Variants in CHD3 observed in about 807,000 individuals in gnomAD.
CHD3 encodes the protein ATP-dependent chromatin remodeler CHD3.
CHD3 carries 52 observed loss-of-function variants against 248.9 expected under a neutral mutation model. That is an observed-to-expected ratio of 0.21 (90% CI 0.17 to 0.26). CHD3 has a LOEUF of 0.26. Among genes scored for constraint, CHD3 ranks in the 10% least tolerant of loss-of-function variants. The probability of loss-of-function intolerance (pLI) is 1.00; values close to 1 mark genes in which losing one functional copy is unlikely to be tolerated. For missense variants in CHD3, 1,482 were observed against 2,605.8 expected (o/e 0.57, Z 9.39); for synonymous variants, 985 against 985.2 (o/e 1.00, Z 0.00).
At position 7,910,640 on chromosome 17, in the gene CHD3, T is replaced by A. The variant is rs900831599; in HGVS notation, c.5754+49T>A. On this transcript the variant is annotated intron_variant, in intron 38 of 39. Coordinates refer to ENST00000330494, the MANE Select transcript of CHD3 (RefSeq NM_001005273.3). The surrounding 1 kb of genome is among the most constrained non-coding windows in gnomAD (Gnocchi z 4.7). ...CAGTTTTCCCTGTTTGTGTTCCTCC[T>A]GCACACATACAAACACTTCCATCAG... 6.4e-7 allele frequency: 1 copy of A among 1,574,336 alleles called. No individual in the cohort carries two copies. Among genetic ancestry groups the A allele is most frequent in the Non-Finnish European group, 8.6e-7 (1 of 1,160,422 alleles).
rs1968417679 is a variant in CHD3, at chr17:7,888,968, A to G, written c.-33A>G. On this transcript the variant is annotated 5_prime_UTR_variant, in exon 1 of 40. The change creates a new upstream start codon in the 5' untranslated region. Coordinates refer to ENST00000330494, the MANE Select transcript of CHD3 (RefSeq NM_001005273.3). ...TTTTAGGCTACTTGGGAGGAGGAAT[A>G]TTTAGGTAATTGTGGAGACTTTCTC... The G allele has an allele frequency of 6.2e-7, 1 of 1,613,872 alleles. No homozygotes were observed. The highest frequency in any genetic ancestry group is 8.5e-7 in the Non-Finnish European group (1 of 1,179,946).
rs1165994865 is a variant in CHD3 at position 7,905,624 on chromosome 17, G to A, written c.4142G>A (p.Arg1381His). The A allele has an allele frequency of 4.4e-6, 7 of 1,599,468 alleles. No homozygotes were observed. The highest frequency in any genetic ancestry group is 6.0e-6 in the Non-Finnish European group (7 of 1,171,984). The change falls in exon 27 of 40, where the codon CGT (arginine) becomes CAT (histidine). Residue 1381 changes from arginine to histidine, a missense_variant. Arg to His is a conservative substitution (Grantham distance 29, BLOSUM62 0). This residue lies in a region of CHD3 where 156 missense variants were observed against 420.3 expected (regional missense o/e 0.37). Transcript: ENST00000330494. The surrounding 1 kb of genome is among the most constrained non-coding windows in gnomAD (Gnocchi z 5.8). ...CTGATGTCATCCCCACCCTCAGGGC[G>A]TAGACAGTCAAAGAGGCAGCTCCGG... ...DEDFDERPEG[R>H]RQSKRQLRNE... is the part of the protein sequence containing the mutation.
At position 7,908,077 on chromosome 17, in the gene CHD3, G is replaced by T; in HGVS notation, c.5152+58G>T. 1 of 1,531,066 alleles carries T rather than the reference G, an allele frequency of 6.5e-7. No individual in the cohort carries two copies. Among genetic ancestry groups the T allele is most frequent in the Non-Finnish European group, 8.8e-7 (1 of 1,138,010 alleles). 94.8% of individuals were successfully genotyped at this position (1,531,066 alleles called of 1,614,324 possible). A position where few individuals can be genotyped will look rare whatever the true frequency, so the allele number is the denominator to read the frequency against. ...AAGGGGATCTGCTCATCCTCATGGGGTTTCTCGTTTTGCCTGAGGCTTCCT... is the reference window on the plus strand; with the variant it reads ...AAGGGGATCTGCTCATCCTCATGGGTTTTCTCGTTTTGCCTGAGGCTTCCT... On this transcript the variant is annotated intron_variant, in intron 34 of 39. Transcript: ENST00000330494. This position sits in a 1 kb window ranked among gnomAD's most constrained non-coding sequence, Gnocchi z 5.8.
chr17:7,891,132 G>A, intron 4 of CHD3, 68 bp downstream of exon 4: 4 of 1,557,272 alleles, frequency 2.6e-6, no homozygotes, highest in Admixed American at 1.7e-5. Context: ...GGACCCCTTG[G>A]AATCTGATGA....
chr17:7,888,055 C>T (rs1968239876), upstream of CHD3, among the ~76,000 whole-genome samples: 1 of 152,214 alleles, frequency 6.6e-6, no homozygotes, highest in Non-Finnish European at 1.5e-5. Flanking sequence ...ACTGCCTCGG[C>T]AGCCTGCGTT....
rs759674098 is a variant in CHD3 at position 7,907,550 on chromosome 17, C to G, written c.4925-51C>G. On this transcript the variant is annotated intron_variant, in intron 32 of 39. Transcript: ENST00000330494. This position sits in a 1 kb window ranked among gnomAD's most constrained non-coding sequence, Gnocchi z 4.3. ...ATTTGGGATTTCCCTCTTCTGGGGT[C>G]AGGGGATGAGGGTAACATCCTCCCT... 6.5e-7 allele frequency: 1 copy of G among 1,529,652 alleles called. No homozygotes were observed. The highest frequency in any genetic ancestry group is 8.8e-7 in the Non-Finnish European group (1 of 1,139,052). The allele number at this position is 1,529,652 out of a possible 1,614,324, so 94.8% of individuals were successfully genotyped here.
At position 7,895,296 on chromosome 17, in the gene CHD3, C is replaced by T; in HGVS notation, c.1504-43C>T. Reference sequence around the variant, plus strand: ...CTTCTCATCTAACAATGGGTTCTTTCTGCCTCTTTCTTTCCTCCTCCTTGT... The same window carrying T: ...CTTCTCATCTAACAATGGGTTCTTTTTGCCTCTTTCTTTCCTCCTCCTTGT... On this transcript the variant is annotated intron_variant, in intron 9 of 39. Coordinates refer to ENST00000330494, the MANE Select transcript of CHD3 (RefSeq NM_001005273.3). The surrounding 1 kb of genome is among the most constrained non-coding windows in gnomAD (Gnocchi z 4.9). 1 of 1,606,644 alleles carries T rather than the reference C, an allele frequency of 6.2e-7. No individual in the cohort carries two copies. The highest frequency in any genetic ancestry group is 8.5e-7 in the Non-Finnish European group (1 of 1,174,428).
In CHD3 at chr17:7,910,417, C is replaced by T. The variant is rs1971503626; in HGVS notation, c.5591-11C>T. 6.2e-7 allele frequency: 1 copy of T among 1,614,058 alleles called. No individual in the cohort carries two copies. Among genetic ancestry groups the T allele is most frequent in the Non-Finnish European group, 8.5e-7 (1 of 1,180,016 alleles). On this transcript the variant is annotated splice_polypyrimidine_tract_variant and intron_variant, in intron 37 of 39. Coordinates refer to ENST00000330494, the MANE Select transcript of CHD3 (RefSeq NM_001005273.3). The surrounding 1 kb of genome is among the most constrained non-coding windows in gnomAD (Gnocchi z 4.7). ...TCTCTTGCCCTTCTTTCTCTGTGGC[C>T]CGGGCCCCAGTTCTGAACCAGCTGG...
upstream of CHD3, chr17:7,885,025 C>CCCGCCGCCGCCGCCGCCGCCGCCG (rs759738955): frequency 8.7e-7 from 1 of 1,149,996 alleles, no homozygotes; most frequent in African/African-American, 1.7e-5. Flanking sequence ...GCCACCTCTT[C>CCCGCCGCCGCCGCCGCCGCCGCCG]CCGCCGCCGC....
At position 7,910,799 on chromosome 17, in the gene CHD3, C is replaced by A; in HGVS notation, c.5755-48C>A. 1 of 1,575,142 alleles carries A rather than the reference C, an allele frequency of 6.3e-7. No individual in the cohort carries two copies. Among genetic ancestry groups the A allele is most frequent in the Non-Finnish European group, 8.6e-7 (1 of 1,163,726 alleles). ...ATGTCTCTCCTACAGCTTCTTTCCT[C>A]TCACAGACTATGAACTAACTCCAAC... On this transcript the variant is annotated intron_variant, in intron 38 of 39. Coordinates refer to ENST00000330494, the MANE Select transcript of CHD3 (RefSeq NM_001005273.3). The surrounding 1 kb of genome is among the most constrained non-coding windows in gnomAD (Gnocchi z 4.7).
upstream of CHD3, chr17:7,888,731 C>T (rs1400890232): frequency 1.2e-5 from 12 of 1,038,072 alleles, no homozygotes; most frequent in East Asian, 1.1e-4. Flanking sequence ...GGTGTGGGTG[C>T]GCGCGTGCGC....
At position 7,903,646 on chromosome 17, in the gene CHD3, G is replaced by GCCC; in HGVS notation, c.3727+143_3727+144insCCC. On this transcript the variant is annotated intron_variant, in intron 23 of 39. Coordinates refer to ENST00000330494, the MANE Select transcript of CHD3 (RefSeq NM_001005273.3). The surrounding 1 kb of genome is among the most constrained non-coding windows in gnomAD (Gnocchi z 6.8). ...TTCTTTTAGTAGCCCTTGGAGGAAGGTTGGCCTCTTTCTTTGCCTGTAGGG... is the reference window on the plus strand; with the variant it reads ...TTCTTTTAGTAGCCCTTGGAGGAAGGCCCTTGGCCTCTTTCTTTGCCTGTAGGG... The GCCC allele has an allele frequency of 1.0e-6, 1 of 1,004,692 alleles. No individual in the cohort carries two copies. The highest frequency in any genetic ancestry group is 2.6e-5 in the East Asian group (1 of 38,226). The allele number at this position is 1,004,692 out of a possible 1,614,324, so 62.2% of individuals were successfully genotyped here.
In CHD3 at chr17:7,904,292, C is replaced by T. The variant is rs561455227; in HGVS notation, c.3895-150C>T. The T allele has an allele frequency of 2.7e-4, 186 of 698,630 alleles. No individual in the cohort carries two copies. In the South Asian group the frequency reaches 3.0e-3, roughly 11 times the overall value. The allele number at this position is 698,630 out of a possible 1,614,324, so 43.3% of individuals were successfully genotyped here. A position where few individuals can be genotyped will look rare whatever the true frequency, so the allele number is the denominator to read the frequency against. On this transcript the variant is annotated intron_variant, in intron 24 of 39. Transcript: ENST00000330494. This position sits in a 1 kb window ranked among gnomAD's most constrained non-coding sequence, Gnocchi z 4.4. ...CAGGTAAGAGATGGCATGGAACATG[C>T]GCAATGTCCAGAAAATGTATGCAGA...
At chr17:7,898,449 T>C in intron 12 of CHD3, 47 bp from the exon 13 acceptor site, 1 of 1,378,232 alleles carries the variant, frequency 7.3e-7, no homozygotes, top group South Asian at 1.2e-5. Context: ...AAAGAAAGCG[T>C]AGGACTCCCA....
chr17:7,911,834 T>C lies in CHD3; in HGVS notation c.*249T>C. ...AGAAGAAGTCTGGGTGGGAGATGGC[T>C]GGCAGGGTCTTCCAAGTACCTTCCT... On this transcript the variant is annotated 3_prime_UTR_variant, in exon 40 of 40. Coordinates refer to ENST00000330494, the MANE Select transcript of CHD3 (RefSeq NM_001005273.3). The surrounding 1 kb of genome is among the most constrained non-coding windows in gnomAD (Gnocchi z 5.4). 7 of 1,156,612 alleles carry C rather than the reference T, an allele frequency of 6.1e-6. No homozygotes were observed. The highest frequency in any genetic ancestry group is 8.2e-6 in the Non-Finnish European group (7 of 851,976). 71.6% of individuals were successfully genotyped at this position (1,156,612 alleles called of 1,614,324 possible).
rs1253302980 is a variant in CHD3 at position 7,890,921 on chromosome 17, C to G, written c.385-19C>G. 21 of 1,613,532 alleles carry G rather than the reference C, an allele frequency of 1.3e-5. No individual in the cohort carries two copies. The highest frequency in any genetic ancestry group is 1.7e-4 in the Middle Eastern group (1 of 5,982). On this transcript the variant is annotated intron_variant, in intron 3 of 39. Transcript: ENST00000330494. ...GGGGCTGGAGGAGCACCTACTTCAC[C>G]AAAGCCCCTCTCCCGCAGCAAGTGG...
Position 7,909,562 on chromosome 17 carries a change from C to A in CHD3, c.5590+224C>A. 1.6e-6 allele frequency: 1 copy of A among 633,506 alleles called. No homozygotes were observed. The highest frequency in any genetic ancestry group is 2.6e-6 in the Non-Finnish European group (1 of 381,424). 39.2% of individuals were successfully genotyped at this position (633,506 alleles called of 1,614,324 possible). A position where few individuals can be genotyped will look rare whatever the true frequency, so the allele number is the denominator to read the frequency against. ...ATGTCTGATAGCATTCACATCCGTG[C>A]CCAATAGAGGGACCTGCCCCAGCCT... On this transcript the variant is annotated intron_variant, in intron 37 of 39. Transcript: ENST00000330494. The surrounding 1 kb of genome is among the most constrained non-coding windows in gnomAD (Gnocchi z 8.1).
Position 7,900,912 on chromosome 17 carries a change from G to A in CHD3, c.3039G>A (p.Gly1013=), listed in dbSNP as rs1213304969. The A allele has an allele frequency of 3.1e-6, 5 of 1,614,004 alleles. No individual in the cohort carries two copies. Among genetic ancestry groups the A allele is most frequent in the Non-Finnish European group, 4.2e-6 (5 of 1,180,002 alleles). ...AGGCCTTGAATTCACGAGGTGGTGG[G>A]AACCAGGTGTCGCTGCTTAATATCA... is the stretch of plus-strand genomic sequence containing the variant. ...NFEALNSRGG[G]NQVSLLNIMM... The change falls in exon 19 of 40, where the codon GGG becomes GGA. Residue 1013 remains glycine (G), a synonymous_variant. Coordinates refer to ENST00000330494, the MANE Select transcript of CHD3 (RefSeq NM_001005273.3). The surrounding 1 kb of genome is among the most constrained non-coding windows in gnomAD (Gnocchi z 6.5).
chr17:7,895,710 T>C lies in CHD3; in HGVS notation c.1707+168T>C. The C allele has an allele frequency of 1.6e-6, 1 of 623,358 alleles. No homozygotes were observed. The highest frequency in any genetic ancestry group is 2.8e-5 in the East Asian group (1 of 36,318). The allele number at this position is 623,358 out of a possible 1,614,324, so 38.6% of individuals were successfully genotyped here. A position where few individuals can be genotyped will look rare whatever the true frequency, so the allele number is the denominator to read the frequency against. On this transcript the variant is annotated intron_variant, in intron 10 of 39. Transcript: ENST00000330494. The surrounding 1 kb of genome is among the most constrained non-coding windows in gnomAD (Gnocchi z 4.9). ...GTTTCCATATGTGGTTCTTTTGGTC[T>C]ACAGTCCTCTTTCTCTCAGTCTCCG...
Sources: allele counts gnomAD v4.1 joint callset (sites outside exome capture counted in the v4.1 genomes callset), GRCh38; gene constraint gnomAD v4.1.1; regional missense constraint gnomAD v4.1.1; non-coding constraint Gnocchi (gnomAD v3.1); transcripts MANE v1.5; gene names NCBI Gene and HGNC (gene_info 2026-07-23, HGNC 2026-07-21).